Variants in RYR3 observed in about 807,000 individuals in gnomAD.
The protein encoded by RYR3 is brain ryanodine receptor-calcium release channel.
RYR3 carries 207 observed loss-of-function variants against 584.3 expected under a neutral mutation model. The observed-to-expected ratio is 0.35, with a 90% CI of 0.32 to 0.40. The LOEUF (loss-of-function observed/expected upper bound fraction) is 0.40. RYR3 is among the 10% of genes least tolerant of loss of function. The pLI is 1.00. For missense variants in RYR3, 5,616 were observed against 6,089.2 expected, an observed-to-expected ratio of 0.92 and a Z score of 2.59; for synonymous variants, 2,416 against 2,248.5, an observed-to-expected ratio of 1.07 and a Z score of -2.11.
intron 32 of RYR3, among the ~76,000 whole-genome samples, chr15:33,657,178 G>A (rs1027725296): frequency 1.6e-4 from 24 of 152,114 alleles, no homozygotes; most frequent in Admixed American, 5.2e-4. Flanking sequence ...TCTGCGTGGT[G>A]GAAAATAAAC....
chr15:33,818,749 T>C (rs2152955438), intron 76 of RYR3, 65 bp downstream of exon 76: 2 of 1,178,680 alleles, frequency 1.7e-6, no homozygotes, highest in Admixed American at 1.9e-5. Context: ...CTCCTGACCT[T>C]CTTCTCTCAG....
intron 3 of RYR3, among the ~76,000 whole-genome samples, chr15:33,519,129 A>G (rs542409149): frequency 2.6e-5 from 4 of 152,170 alleles, no homozygotes; most frequent in Non-Finnish European, 5.9e-5. Flanking sequence ...GAGGTCTAGA[A>G]TGCATGGGGG....
At chr15:33,562,603 C>T (rs1417769616) in intron 10 of RYR3, among the ~76,000 whole-genome samples, 2 of 152,030 alleles carry the variant, frequency 1.3e-5, no homozygotes, top group East Asian at 1.9e-4. Context: ...CCCCTTTTCC[C>T]GTGGATTTAA....
chr15:33,806,803 G>C (rs539643732), intron 69 of RYR3, among the ~76,000 whole-genome samples: 51 of 151,174 alleles, frequency 3.4e-4, no homozygotes, highest in Middle Eastern at 6.8e-3. Context: ...GCCCAGTCTG[G>C]AGTGCACTGG....
intron 103 of RYR3, 149 bp downstream of exon 103, chr15:33,864,338 G>A (rs888153025): frequency 1.6e-6 from 1 of 622,894 alleles, no homozygotes; most frequent in Admixed American, 2.9e-5. Flanking sequence ...TCAATAAGAA[G>A]CCAAAGTCCT....
rs1596035220 is a variant in RYR3 at position 33,662,749 on chromosome 15, A to G, written c.5219A>G (p.Asp1740Gly). The G allele has an allele frequency of 1.2e-6, 2 of 1,614,130 alleles. No individual in the cohort carries two copies. Among genetic ancestry groups the G allele is most frequent in the Admixed American group, 3.3e-5 (2 of 60,018 alleles). ...GTLLVMGVFD[D>G]DDVRQILLLI... is the part of the protein sequence containing the mutation. ...CTGCTGGTCATGGGCGTGTTTGATG[A>G]TGATGATGTTCGGCAGATCCTCCTC... The change falls in exon 35 of 104, where the codon GAT (aspartate) becomes GGT (glycine). Residue 1740 changes from aspartate (D) to glycine (G), a missense_variant. Asp to Gly is a moderately conservative substitution (Grantham distance 94). Transcript: ENST00000634891.
chr15:33,845,205 G>A (rs1384193629), intron 93 of RYR3, 143 bp downstream of exon 93: 2 of 728,156 alleles, frequency 2.7e-6, no homozygotes, highest in Non-Finnish European at 4.5e-6. Context: ...CACATCACTT[G>A]GGAGCTGCCT....
chr15:33,347,367 G>T (rs1972585118), intron 1 of RYR3, among the ~76,000 whole-genome samples: 1 of 151,930 alleles, frequency 6.6e-6, no homozygotes, highest in South Asian at 2.1e-4. Flanking sequence ...ATGGAATCAT[G>T]GATATTTATT....
chr15:33,497,539 C>T (rs905302645), intron 2 of RYR3, among the ~76,000 whole-genome samples: 3 of 152,104 alleles, frequency 2.0e-5, no homozygotes, highest in African/African-American at 7.2e-5. Context: ...GCAAAACCTC[C>T]TAATTTATCT....
chr15:33,374,500 T>C (rs2040582919), intron 1 of RYR3, among the ~76,000 whole-genome samples: 1 of 152,178 alleles, frequency 6.6e-6, no homozygotes, highest in Non-Finnish European at 1.5e-5. Flanking sequence ...AACTATGCCT[T>C]CTTTGCTTTG....
At chr15:33,574,629 G>A (rs919294623) in intron 12 of RYR3, among the ~76,000 whole-genome samples, 1 of 152,092 alleles carries the variant, frequency 6.6e-6, no homozygotes, top group Admixed American at 6.6e-5. Context: ...ATACAAAATT[G>A]GAATGATCAC....
intron 1 of RYR3, among the ~76,000 whole-genome samples, chr15:33,450,799 G>A (rs907186926): frequency 2.0e-5 from 3 of 152,078 alleles, no homozygotes; most frequent in Non-Finnish European, 4.4e-5. Context: ...AAACATGTGC[G>A]CAAACCACAG....
In RYR3 at chr15:33,791,599, G is replaced by A. The variant is rs778242732; in HGVS notation, c.9830+3141G>A. Among the ~76,000 whole-genome samples, 19 of 152,082 alleles carry A rather than the reference G, an allele frequency of 1.2e-4. 1 individual carries two copies. The highest frequency in any genetic ancestry group is 1.2e-3 in the South Asian group (6 of 4,824). ...CCAGGGAGATGCGGGGTGATTACCC[G>A]GTAGCATTAAGAGATCTCTGGTCAT... On this transcript the variant is annotated intron_variant, in intron 67 of 103. Transcript: ENST00000634891.
At position 33,628,527 on chromosome 15, in the gene RYR3, T is replaced by C; in HGVS notation, c.2631T>C (p.His877=). Residue 877 remains histidine (H), a synonymous_variant, in exon 21 of 104, where the codon CAT becomes CAC. Coordinates refer to ENST00000634891, the MANE Select transcript of RYR3 (RefSeq NM_001036.6). The stretch of plus-strand genomic sequence containing the variant: ...GAGACAGACTAGCTGAAAACATCCA[T>C]GAGCTTTGGGGAATGAATAAAATAG... ...KIRDRLAENI[H]ELWGMNKIEL... The C allele has an allele frequency of 6.2e-7, 1 of 1,612,314 alleles. No individual in the cohort carries two copies. Among genetic ancestry groups the C allele is most frequent in the South Asian group, 1.1e-5 (1 of 91,014 alleles).
chr15:33,425,823 T>C (rs1183568115), intron 1 of RYR3, among the ~76,000 whole-genome samples: 2 of 151,896 alleles, frequency 1.3e-5, no homozygotes, highest in Non-Finnish European at 2.9e-5. Context: ...TTTGTATTTT[T>C]AGTAGAGACG....
chr15:33,635,833 T>A lies in RYR3; in HGVS notation c.3381+14T>A. ...GAAGGCAACAGGGTGAGTTTATATATCTAGCAAACACCCATCCTCAGACCA... is the reference window on the plus strand; with the variant it reads ...GAAGGCAACAGGGTGAGTTTATATAACTAGCAAACACCCATCCTCAGACCA... On this transcript the variant is annotated intron_variant, in intron 26 of 103. Transcript: ENST00000634891. 6.2e-7 allele frequency: 1 copy of A among 1,601,710 alleles called. No homozygotes were observed. Among genetic ancestry groups the A allele is most frequent in the African/African-American group, 1.3e-5 (1 of 74,868 alleles).
chr15:33,353,119 A>C (rs1405119144), intron 1 of RYR3, among the ~76,000 whole-genome samples: 4 of 152,164 alleles, frequency 2.6e-5, no homozygotes. Context: ...AAGGTATATG[A>C]GTGCATTTTT....
chr15:33,464,512 A>G (rs1399016841), intron 1 of RYR3, among the ~76,000 whole-genome samples: 2 of 145,172 alleles, frequency 1.4e-5, no homozygotes, highest in Admixed American at 1.4e-4. Flanking sequence ...ATACATACAC[A>G]TACACATATA....
intron 1 of RYR3, among the ~76,000 whole-genome samples, chr15:33,419,950 T>C (rs2044117134): frequency 6.6e-6 from 1 of 152,176 alleles, no homozygotes; most frequent in Non-Finnish European, 1.5e-5. Flanking sequence ...CCAAGCACAC[T>C]TGAGAACTTT....
Sources: allele counts gnomAD v4.1 joint callset (sites outside exome capture counted in the v4.1 genomes callset), GRCh38; gene constraint gnomAD v4.1.1; transcripts MANE v1.5; gene names NCBI Gene and HGNC (gene_info 2026-07-23, HGNC 2026-07-21).